The following ALPK2 variants were observed in gnomAD, a reference collection of about 807,000 sequenced individuals.
The protein encoded by ALPK2 is alpha kinase 2.
ALPK2 carries 127 observed loss-of-function variants against 163.1 expected under a neutral mutation model. The observed-to-expected ratio is 0.78, with a 90% CI of 0.67 to 0.90. The LOEUF (loss-of-function observed/expected upper bound fraction) is 0.90, where lower values mean the gene tolerates loss of function less well. ALPK2 is among the 40% of genes least tolerant of loss of function. The probability of loss-of-function intolerance (pLI) is 0.00; values close to 1 mark genes in which losing one functional copy is unlikely to be tolerated. For missense variants in ALPK2, 2,360 were observed against 2,589.6 expected (o/e 0.91, Z 1.92); for synonymous variants, 953 against 959.1 (o/e 0.99, Z 0.12).
intron 12 of ALPK2, among the ~76,000 whole-genome samples, chr18:58,496,492 C>T (rs935432243): frequency 6.6e-6 from 1 of 152,162 alleles, no homozygotes; most frequent in Non-Finnish European, 1.5e-5. Context: ...GTGCAATCGG[C>T]GAGAACTTCA....
chr18:58,484,864 T>A (rs2051330844), intron 12 of ALPK2, among the ~76,000 whole-genome samples: 1 of 152,220 alleles, frequency 6.6e-6, no homozygotes, highest in African/African-American at 2.4e-5. Flanking sequence ...CTGATGTTGA[T>A]CGTGTTGTTA....
chr18:58,627,878 CAT>C (rs2052240079), intron 1 of ALPK2, among the ~76,000 whole-genome samples: 1 of 152,184 alleles, frequency 6.6e-6, no homozygotes, highest in Non-Finnish European at 1.5e-5. Context: ...AGTTATAAAA[CAT>C]ATCACATATC....
chr18:58,575,812 G>A (rs1368267761), intron 4 of ALPK2, among the ~76,000 whole-genome samples: 1 of 152,080 alleles, frequency 6.6e-6, no homozygotes, highest in Non-Finnish European at 1.5e-5. Context: ...TATTAGCCTG[G>A]GTAGGTACTA....
At chr18:58,533,220 C>T (rs763658696) in intron 5 of ALPK2, among the ~76,000 whole-genome samples, 27 of 152,300 alleles carry the variant, frequency 1.8e-4, no homozygotes, top group Non-Finnish European at 2.9e-4. Context: ...AAGTCTTTGA[C>T]GGCGATTGAT....
At chr18:58,489,386 T>C (rs769063261) in intron 12 of ALPK2, among the ~76,000 whole-genome samples, 1 of 152,222 alleles carries the variant, frequency 6.6e-6, no homozygotes, top group Non-Finnish European at 1.5e-5. Context: ...AAATGCTATC[T>C]GATATCTCTC....
chr18:58,539,473 TA>T (rs1396637337), intron 4 of ALPK2, among the ~76,000 whole-genome samples: 1 of 152,228 alleles, frequency 6.6e-6, no homozygotes, highest in Non-Finnish European at 1.5e-5. Flanking sequence ...ACTCTTTGAC[TA>T]AATCCTTGTC....
Position 58,535,161 on chromosome 18 carries a change from C to T in ALPK2, c.5026G>A (p.Gly1676Ser). The T allele has an allele frequency of 6.2e-7, 1 of 1,614,044 alleles. No individual in the cohort carries two copies. Reference sequence around the variant, plus strand: ...GACTTTTTCGCACAGCCCAGGGTGCCCTTTTGACATGGATCCTGCAGTAAT... The same window carrying T: ...GACTTTTTCGCACAGCCCAGGGTGCTCTTTTGACATGGATCCTGCAGTAAT... ...PKLLQDPCQK[G>S]TLGCAKKSRE... Residue 1676 changes from glycine to serine, a missense_variant, in exon 5 of 13, where the codon GGC (glycine) becomes AGC (serine). By Grantham distance (56) the Gly-to-Ser change is moderately conservative. Coordinates refer to ENST00000361673, the MANE Select transcript of ALPK2 (RefSeq NM_052947.4).
intron 12 of ALPK2, among the ~76,000 whole-genome samples, chr18:58,497,521 AAAGCCATC>A (rs1285518707): frequency 6.6e-6 from 1 of 152,358 alleles, no homozygotes; most frequent in East Asian, 1.9e-4. Context: ...TTAGAAAAAT[AAAGCCATC>A]ATCAAAAACA....
chr18:58,616,513 A>G (rs920156436), intron 1 of ALPK2, among the ~76,000 whole-genome samples: 1 of 152,196 alleles, frequency 6.6e-6, no homozygotes, highest in African/African-American at 2.4e-5. Flanking sequence ...TCACATTTCT[A>G]CATAGTTGTC....
intron 3 of ALPK2, among the ~76,000 whole-genome samples, chr18:58,603,297 G>T (rs1449853078): frequency 6.6e-6 from 1 of 152,182 alleles, no homozygotes; most frequent in African/African-American, 2.4e-5. Context: ...GTCGCATTCT[G>T]AGGCTCCAGG....
intron 4 of ALPK2, among the ~76,000 whole-genome samples, chr18:58,547,984 C>G (rs960528558): frequency 6.6e-6 from 1 of 152,090 alleles, no homozygotes; most frequent in African/African-American, 2.4e-5. Context: ...TGAGTAAAAG[C>G]AAAACCAAGG....
chr18:58,556,066 C>T (rs1448226190), intron 4 of ALPK2, among the ~76,000 whole-genome samples: 1 of 152,168 alleles, frequency 6.6e-6, no homozygotes, highest in Non-Finnish European at 1.5e-5. Flanking sequence ...AAGTGATCCA[C>T]CAGCCTCGGC....
intron 12 of ALPK2, among the ~76,000 whole-genome samples, chr18:58,483,249 A>C (rs983733874): frequency 2.6e-5 from 4 of 152,110 alleles, no homozygotes; most frequent in Admixed American, 6.6e-5. Context: ...CGTTACATTC[A>C]CTCAGCCCCT....
chr18:58,488,035 T>G (rs961923262), intron 12 of ALPK2, among the ~76,000 whole-genome samples: 10 of 152,056 alleles, frequency 6.6e-5, no homozygotes, highest in African/African-American at 1.7e-4. Context: ...TACCAGGCTC[T>G]GGGGGGTATT....
chr18:58,605,338 C>G (rs1177822586), intron 3 of ALPK2, among the ~76,000 whole-genome samples: 15 of 152,078 alleles, frequency 9.9e-5, no homozygotes, highest in Non-Finnish European at 1.5e-5. Context: ...ACTATCTGGC[C>G]CCTTTTAGAA....
chr18:58,571,682 TA>T, intron 4 of ALPK2, among the ~76,000 whole-genome samples: 1 of 152,134 alleles, frequency 6.6e-6, no homozygotes, highest in African/African-American at 2.4e-5. Flanking sequence ...AGAGCCCACG[TA>T]AAGAAGATAA....
At chr18:58,601,782 A>G (rs560398123) in intron 3 of ALPK2, among the ~76,000 whole-genome samples, 1 of 152,340 alleles carries the variant, frequency 6.6e-6, no homozygotes, top group East Asian at 1.9e-4. Context: ...GAAAACCAGC[A>G]GAGAACCAGC....
intron 4 of ALPK2, among the ~76,000 whole-genome samples, chr18:58,549,791 GC>G: frequency 6.6e-6 from 1 of 152,220 alleles, no homozygotes; most frequent in East Asian, 1.9e-4. Context: ...AGTACTGCTG[GC>G]CCCACCCTCT....
chr18:58,550,869 C>T (rs1172705816), intron 4 of ALPK2, among the ~76,000 whole-genome samples: 1 of 150,924 alleles, frequency 6.6e-6, no homozygotes, highest in East Asian at 2.0e-4. Flanking sequence ...ACCCCATCCC[C>T]ACCTCCATCA....
Sources: allele counts gnomAD v4.1 joint callset (sites outside exome capture counted in the v4.1 genomes callset), GRCh38; gene constraint gnomAD v4.1.1; transcripts MANE v1.5; gene names NCBI Gene and HGNC (gene_info 2026-07-23, HGNC 2026-07-21).